Variants in POU3F3 observed in about 807,000 individuals in gnomAD.
The protein encoded by POU3F3 is POU domain, class 3, transcription factor 3.
POU3F3 carries 1 observed loss-of-function variant against 8.6 expected under a neutral mutation model. The ratio of observed to expected loss-of-function variants is 0.12; its 90% CI spans 0.04 to 0.55. The LOEUF is 0.55. Ranked by LOEUF, POU3F3 falls within the 20% of genes least tolerant of loss-of-function variation. The probability of loss-of-function intolerance (pLI) is 0.91; values close to 1 mark genes in which losing one functional copy is unlikely to be tolerated. For missense variants in POU3F3, 577 were observed against 690.7 expected, an observed-to-expected ratio of 0.84 and a Z score of 1.84; for synonymous variants, 418 against 327.4, an observed-to-expected ratio of 1.28 and a Z score of -2.99.
the POU3F3 span, among the ~76,000 whole-genome samples, chr2:104,874,380 G>A: frequency 6.6e-6 from 1 of 152,344 alleles, no homozygotes; most frequent in Non-Finnish European, 1.5e-5. Context: ...CCCAGCCACC[G>A]TGAGAGCCAG....
chr2:104,877,491 G>A, the POU3F3 span, among the ~76,000 whole-genome samples: 7 of 151,862 alleles, frequency 4.6e-5, no homozygotes, highest in African/African-American at 9.7e-5. Flanking sequence ...TGGAGTGTGC[G>A]CTAATGCCAC....
the POU3F3 span, among the ~76,000 whole-genome samples, chr2:104,904,585 CTTACTATAAATGTAAG>C: frequency 3.3e-5 from 5 of 151,764 alleles, no homozygotes; most frequent in East Asian, 5.8e-4. Context: ...ATAAATGTTC[CTTACTATAAATGTAAG>C]GAACATTTAT....
At chr2:104,873,156 T>C in the POU3F3 span, among the ~76,000 whole-genome samples, 2 of 152,162 alleles carry the variant, frequency 1.3e-5, no homozygotes, top group Non-Finnish European at 2.9e-5. Context: ...TGCGCCATTC[T>C]CTTAAAAACA....
At chr2:104,926,127 T>C in the POU3F3 span, 22 of 152,080 alleles carry the variant, frequency 1.4e-4, no homozygotes, top group African/African-American at 5.3e-4. Flanking sequence ...ACTAAAGAGC[T>C]TCTGCACAGC....
At chr2:104,899,953 A>G in the POU3F3 span, among the ~76,000 whole-genome samples, 1 of 152,232 alleles carries the variant, frequency 6.6e-6, no homozygotes, top group Non-Finnish European at 1.5e-5. Context: ...GTGTGTGTCC[A>G]AGTGCAGAAG....
chr2:104,860,405 A>C (rs1044967338), downstream of POU3F3, among the ~76,000 whole-genome samples: 1 of 152,216 alleles, frequency 6.6e-6, no homozygotes, highest in African/African-American at 2.4e-5. Flanking sequence ...ATATTGTTAC[A>C]CATGTAAATA....
the POU3F3 span, among the ~76,000 whole-genome samples, chr2:104,907,343 T>A: frequency 6.6e-6 from 1 of 152,152 alleles, no homozygotes; most frequent in Non-Finnish European, 1.5e-5. Flanking sequence ...CAACATCCCA[T>A]CCCCTTATTC....
At chr2:104,876,869 A>C in the POU3F3 span, among the ~76,000 whole-genome samples, 1 of 152,156 alleles carries the variant, frequency 6.6e-6, no homozygotes, top group Non-Finnish European at 1.5e-5. Flanking sequence ...GAACCGCTAG[A>C]GCTCTGTGCT....
At chr2:104,895,187 A>G in the POU3F3 span, among the ~76,000 whole-genome samples, 1 of 152,072 alleles carries the variant, frequency 6.6e-6, no homozygotes, top group Non-Finnish European at 1.5e-5. Flanking sequence ...AGCCTTTGCT[A>G]TGTTTATTTC....
chr2:104,915,692 A>G, the POU3F3 span, among the ~76,000 whole-genome samples: 8 of 151,768 alleles, frequency 5.3e-5, no homozygotes, highest in African/African-American at 1.7e-4. Flanking sequence ...CAAGCCAACC[A>G]CTGATCTTCA....
chr2:104,904,833 G>C, the POU3F3 span, among the ~76,000 whole-genome samples: 1 of 152,098 alleles, frequency 6.6e-6, no homozygotes, highest in Non-Finnish European at 1.5e-5. Context: ...GCAAGAGAGG[G>C]GCGTGGAGGG....
chr2:104,893,949 C>T, the POU3F3 span, among the ~76,000 whole-genome samples: 2 of 151,014 alleles, frequency 1.3e-5, no homozygotes. Flanking sequence ...CAAGTAGGTG[C>T]TTCAATCATG....
the POU3F3 span, among the ~76,000 whole-genome samples, chr2:104,927,623 G>A: frequency 7.3e-6 from 1 of 136,278 alleles, no homozygotes; most frequent in East Asian, 2.3e-4. Flanking sequence ...CAGGTGCTGC[G>A]GCATGCACCT....
the POU3F3 span, among the ~76,000 whole-genome samples, chr2:104,875,748 G>T: frequency 1.4e-4 from 21 of 152,148 alleles, no homozygotes; most frequent in South Asian, 4.2e-3. Context: ...ATGGAGTCTC[G>T]CTCTGTCGCC....
At chr2:104,903,587 G>A in the POU3F3 span, among the ~76,000 whole-genome samples, 1 of 152,192 alleles carries the variant, frequency 6.6e-6, no homozygotes, top group East Asian at 1.9e-4. Flanking sequence ...ATTCATTTAA[G>A]CATTTATTTG....
chr2:104,919,323 A>G, the POU3F3 span, among the ~76,000 whole-genome samples: 1 of 152,142 alleles, frequency 6.6e-6, no homozygotes, highest in Non-Finnish European at 1.5e-5. Flanking sequence ...TGCCCTCTGG[A>G]CTTAATCCAT....
the POU3F3 span, among the ~76,000 whole-genome samples, chr2:104,865,169 T>A: frequency 5.3e-5 from 8 of 152,230 alleles, no homozygotes; most frequent in African/African-American, 1.7e-4. Context: ...CTGGCGAAAC[T>A]GAGTCTGGTC....
chr2:104,872,251 A>G, the POU3F3 span: 1 of 456,400 alleles, frequency 2.2e-6, no homozygotes, highest in Non-Finnish European at 4.4e-6. This position sits in a 1 kb window ranked among gnomAD's most constrained non-coding sequence, Gnocchi z 4.6. Flanking sequence ...CTCACCCGGC[A>G]CGGTCCTTCC....
In POU3F3 at chr2:104,857,261, A is replaced by G; in HGVS notation, c.*248A>G. 4.1e-6 allele frequency: 1 copy of G among 243,980 alleles called. No homozygotes were observed. Among genetic ancestry groups the G allele is most frequent in the Non-Finnish European group, 6.7e-6 (1 of 150,180 alleles). 15.1% of individuals were successfully genotyped at this position (243,980 alleles called of 1,614,324 possible). On this transcript the variant is annotated 3_prime_UTR_variant, in exon 1 of 1. Coordinates refer to ENST00000361360, the MANE Select transcript of POU3F3 (RefSeq NM_006236.3). Reference sequence around the variant, plus strand: ...AAACGGACCAAGGAGGCATTTTTGCAGTCCAAGGAAGGAGGGGCCAAAAAA... The same window carrying G: ...AAACGGACCAAGGAGGCATTTTTGCGGTCCAAGGAAGGAGGGGCCAAAAAA...
Sources: allele counts gnomAD v4.1 joint callset (sites outside exome capture counted in the v4.1 genomes callset), GRCh38; gene constraint gnomAD v4.1.1; non-coding constraint Gnocchi (gnomAD v3.1); transcripts MANE v1.5; gene names NCBI Gene and HGNC (gene_info 2026-07-23, HGNC 2026-07-21).